The following SPAG17 variants were observed in gnomAD, a reference collection of about 807,000 sequenced individuals.
SPAG17 encodes sperm-associated antigen 17.
Under a neutral mutation model 273.6 loss-of-function variants are expected in SPAG17, and 169 were observed. The observed-to-expected ratio is 0.62, with a 90% CI of 0.55 to 0.70. The LOEUF is 0.70. SPAG17 is among the 30% of genes least tolerant of loss of function. SPAG17 has a pLI of 0.00. For synonymous variants in SPAG17, 825 were observed against 873.2 expected (o/e 0.94, Z 0.97); for missense variants, 2,557 against 2,627.8 (o/e 0.97, Z 0.59).
intron 5 of SPAG17, 22 bp downstream of exon 5, chr1:118,101,718 C>T (rs374592265): frequency 1.9e-6 from 3 of 1,598,442 alleles, no homozygotes; most frequent in African/African-American, 1.4e-5. Context: ...AAAGGCACCG[C>T]CGGCAGCAGC....
intron 3 of SPAG17, among the ~76,000 whole-genome samples, chr1:118,125,473 T>C (rs1238996051): frequency 1.3e-5 from 2 of 152,194 alleles, no homozygotes; most frequent in Non-Finnish European, 2.9e-5. Context: ...CTAGAATTTA[T>C]TCCTCCTATC....
At chr1:118,044,579 G>GA (rs1650135678) in intron 20 of SPAG17, among the ~76,000 whole-genome samples, 1 of 152,184 alleles carries the variant, frequency 6.6e-6, no homozygotes, top group Non-Finnish European at 1.5e-5. Flanking sequence ...GGAAAATGTG[G>GA]AAAAATATCT....
chr1:117,962,546 GAAAAAAA>G (rs35094302), intron 48 of SPAG17: 3 of 120,656 alleles, frequency 2.5e-5, no homozygotes, highest in Admixed American at 8.5e-5. Context: ...AGACTCCATT[GAAAAAAA>G]AAAAAAAGGC....
At chr1:118,122,577 C>T (rs939355086) in intron 3 of SPAG17, among the ~76,000 whole-genome samples, 2 of 152,054 alleles carry the variant, frequency 1.3e-5, no homozygotes, top group Non-Finnish European at 2.9e-5. Context: ...GGATATTTAG[C>T]GAATCCCTGT....
In SPAG17 at chr1:118,026,392, T is replaced by G. The variant is rs1322771606; in HGVS notation, c.3731-976A>C. ...GTGGTTTATTGGGGCCAAAAAGCCT[T>G]AACACAAAGGAATTAACACATAATG... On this transcript the variant is annotated intron_variant, in intron 26 of 48. Coordinates refer to ENST00000336338, the MANE Select transcript of SPAG17 (RefSeq NM_206996.4). Among the ~76,000 whole-genome samples, 6 of 152,256 alleles carry G rather than the reference T, an allele frequency of 3.9e-5. No individual in the cohort carries two copies. The South Asian group carries it at 1.2e-3, about 32-fold the overall frequency.
chr1:118,173,141 A>C (rs546689873), intron 1 of SPAG17, among the ~76,000 whole-genome samples: 3 of 152,304 alleles, frequency 2.0e-5, no homozygotes, highest in Admixed American at 1.3e-4. Flanking sequence ...TAAAAAAAAA[A>C]ACCGTAGAGA....
chr1:118,011,253 T>C (rs1303958596), intron 30 of SPAG17, among the ~76,000 whole-genome samples: 1 of 152,200 alleles, frequency 6.6e-6, no homozygotes, highest in Admixed American at 6.5e-5. Context: ...ATCATTTTAC[T>C]GTAGAGACAC....
Position 118,032,417 on chromosome 1 carries a change from G to C in SPAG17, c.3434-550C>G, listed in dbSNP as rs139119430. 9.5e-4 allele frequency among the ~76,000 whole-genome samples: 144 copies of C among 152,072 alleles called. 2 individuals are homozygous for C. The highest frequency in any genetic ancestry group is 3.4e-3 in the African/African-American group (141 of 41,490). ...GGATTACCAGAATTCTAAAAGGAGA[G>C]CTCATGCTAGGAGTAATTATGTGGG... is the stretch of plus-strand genomic sequence containing the variant. On this transcript the variant is annotated intron_variant, in intron 24 of 48. Coordinates refer to ENST00000336338, the MANE Select transcript of SPAG17 (RefSeq NM_206996.4).
chr1:118,173,582 G>A (rs1025833190), intron 1 of SPAG17, among the ~76,000 whole-genome samples: 3 of 152,092 alleles, frequency 2.0e-5, no homozygotes, highest in Admixed American at 2.0e-4. Flanking sequence ...GGAATACAAC[G>A]ACACATCTAA....
At chr1:118,175,755 T>C (rs1354132667) in intron 1 of SPAG17, among the ~76,000 whole-genome samples, 1 of 151,952 alleles carries the variant, frequency 6.6e-6, no homozygotes. Flanking sequence ...AAAAAACTAA[T>C]GTGTAAAAAG....
In SPAG17 at chr1:118,012,370, AACCTGAACAT is replaced by A; in HGVS notation, c.4288-8_4289del. 1 of 1,612,932 alleles carries A rather than the reference AACCTGAACAT, an allele frequency of 6.2e-7. No individual in the cohort carries two copies. The highest frequency in any genetic ancestry group is 8.5e-7 in the Non-Finnish European group (1 of 1,179,422). ...CAACTTTGTCTTCTCGAGTTGTCAT[AACCTGAACAT>A]GAAGAGGCAGGACATAATCATTTGG... On this transcript the variant is annotated splice_acceptor_variant and splice_polypyrimidine_tract_variant and coding_sequence_variant and intron_variant, in exon 30 of 49. Coordinates refer to ENST00000336338, the MANE Select transcript of SPAG17 (RefSeq NM_206996.4). LOFTEE classifies it high-confidence loss of function.
At chr1:118,115,569 GAA>G in intron 3 of SPAG17, 128 bp from the exon 4 acceptor site, 7 of 871,908 alleles carry the variant, frequency 8.0e-6, no homozygotes, top group South Asian at 2.3e-5. Context: ...ATTGCTGGCT[GAA>G]AAAAAAAAGT....
At chr1:118,106,580 A>T (rs1270634551) in intron 4 of SPAG17, among the ~76,000 whole-genome samples, 2 of 152,190 alleles carry the variant, frequency 1.3e-5, no homozygotes, top group Non-Finnish European at 2.9e-5. Flanking sequence ...ATGTTGGTAG[A>T]CAGCTGGCCT....
At chr1:118,020,437 G>GAA (rs970563366) in intron 28 of SPAG17, among the ~76,000 whole-genome samples, 3 of 118,780 alleles carry the variant, frequency 2.5e-5, no homozygotes, top group African/African-American at 9.4e-5. Flanking sequence ...TGTGTCTCAA[G>GAA]AAAAAAAAAA....
At chr1:118,119,677 C>T (rs971595701) in intron 3 of SPAG17, among the ~76,000 whole-genome samples, 2 of 152,186 alleles carry the variant, frequency 1.3e-5, no homozygotes, top group South Asian at 4.1e-4. Flanking sequence ...GAGCTTGACT[C>T]AATTTAGGCT....
At chr1:118,099,359 C>A (rs531644178) in intron 6 of SPAG17, among the ~76,000 whole-genome samples, 4 of 152,308 alleles carry the variant, frequency 2.6e-5, no homozygotes, top group Non-Finnish European at 5.9e-5. Context: ...TTCTGAACTG[C>A]AGTCTGTTTT....
chr1:117,998,390 C>CTGT (rs1657898182), intron 32 of SPAG17, among the ~76,000 whole-genome samples: 1 of 152,044 alleles, frequency 6.6e-6, no homozygotes, highest in African/African-American at 2.4e-5. Flanking sequence ...TATCTGGGCT[C>CTGT]TCTATTTGGT....
chr1:118,007,949 T>C (rs1659072077), intron 31 of SPAG17, 95 bp downstream of exon 31: 1 of 1,318,862 alleles, frequency 7.6e-7, no homozygotes, highest in Non-Finnish European at 1.1e-6. Flanking sequence ...AACAGCAGTG[T>C]ACATTGCAGG....
chr1:118,053,070 T>C (rs1651252674), intron 20 of SPAG17, among the ~76,000 whole-genome samples: 1 of 152,012 alleles, frequency 6.6e-6, no homozygotes, highest in Admixed American at 6.6e-5. Context: ...AAGGAAACAA[T>C]GGATGAGTTT....
Sources: gnomAD v4.1 joint callset for allele counts (sites outside exome capture counted in the v4.1 genomes callset) on GRCh38, gnomAD v4.1.1 for gene constraint, MANE v1.5 for transcripts, NCBI Gene and HGNC (gene_info 2026-07-23, HGNC 2026-07-21) for gene names.